The following TMEM120B variants were observed in gnomAD, a reference collection of about 807,000 sequenced individuals.
TMEM120B encodes transmembrane protein 120B.
In TMEM120B, 31 loss-of-function variants were observed where a neutral mutation model predicts 55.5. The ratio of observed to expected loss-of-function variants is 0.56; its 90% CI spans 0.42 to 0.75. TMEM120B has a LOEUF of 0.75. Ranked by LOEUF, TMEM120B falls within the 30% of genes least tolerant of loss-of-function variation. TMEM120B has a pLI of 0.00. For missense variants in TMEM120B, 399 were observed against 425.5 expected (o/e 0.94, Z 0.55); for synonymous variants, 203 against 176.3 (o/e 1.15, Z -1.20).
At chr12:121,759,567 A>G (rs1341127953) in intron 5 of TMEM120B, among the ~76,000 whole-genome samples, 1 of 151,624 alleles carries the variant, frequency 6.6e-6, no homozygotes, top group African/African-American at 2.4e-5. Flanking sequence ...AATCCCATCT[A>G]CTCTGGAGGC....
chr12:121,759,789 G>C (rs1225878512), intron 5 of TMEM120B, among the ~76,000 whole-genome samples: 3 of 152,102 alleles, frequency 2.0e-5, no homozygotes, highest in Admixed American at 2.0e-4. Flanking sequence ...TTGTGGTCAG[G>C]AGTTCGATAC....
At chr12:121,722,848 CTTTTTT>C (rs34271702) in intron 1 of TMEM120B, among the ~76,000 whole-genome samples, 4 of 133,088 alleles carry the variant, frequency 3.0e-5, no homozygotes, top group Non-Finnish European at 4.7e-5. Context: ...TTTAAATTTA[CTTTTTT>C]TTTTTTTTTT....
At chr12:121,730,194 G>A (rs1223965523) in intron 1 of TMEM120B, among the ~76,000 whole-genome samples, 1 of 151,766 alleles carries the variant, frequency 6.6e-6, no homozygotes, top group Non-Finnish European at 1.5e-5. Context: ...AGGAAGCGGA[G>A]GTTGCAGTGA....
intron 1 of TMEM120B, among the ~76,000 whole-genome samples, chr12:121,742,052 G>C (rs560521367): frequency 4.2e-4 from 63 of 151,330 alleles, no homozygotes; most frequent in Admixed American, 3.0e-3. Flanking sequence ...ACCTAGGCTG[G>C]AGTGCCGTGG....
chr12:121,734,740 C>A (rs1895071962), intron 1 of TMEM120B, among the ~76,000 whole-genome samples: 1 of 151,736 alleles, frequency 6.6e-6, no homozygotes, highest in Non-Finnish European at 1.5e-5. Flanking sequence ...ATGGCAAAAC[C>A]CATCTCTACT....
chr12:121,775,552 G>A lies in TMEM120B; in HGVS notation c.907-57G>A, dbSNP rs1874211314. ...TGCTGGAGATTCTGGGGTGCTGGGGGCAGGGGTTCAGCAGGGCAGATGCCC... is the reference window on the plus strand; with the variant it reads ...TGCTGGAGATTCTGGGGTGCTGGGGACAGGGGTTCAGCAGGGCAGATGCCC... On this transcript the variant is annotated intron_variant, in intron 11 of 11. Coordinates refer to ENST00000449592, the MANE Select transcript of TMEM120B (RefSeq NM_001080825.2). The surrounding 1 kb of genome is among the most constrained non-coding windows in gnomAD (Gnocchi z 4.3). 1 of 1,566,374 alleles carries A rather than the reference G, an allele frequency of 6.4e-7. No individual in the cohort carries two copies.
rs1282958359 is a variant in TMEM120B, at chr12:121,712,852, C to G, written c.-44C>G. ...GCGCTGGGGGGCCGGTCGGGCAGCGCTGCGGGAGCAGCCGCCGGCACCGCC... is the reference window on the plus strand; with the variant it reads ...GCGCTGGGGGGCCGGTCGGGCAGCGGTGCGGGAGCAGCCGCCGGCACCGCC... On this transcript the variant is annotated 5_prime_UTR_variant, in exon 1 of 12. Coordinates refer to ENST00000449592, the MANE Select transcript of TMEM120B (RefSeq NM_001080825.2). 4.3e-6 allele frequency: 6 copies of G among 1,398,626 alleles called. No individual in the cohort carries two copies. Among genetic ancestry groups the G allele is most frequent in the South Asian group, 3.3e-5 (2 of 59,940 alleles). The allele number at this position is 1,398,626 out of a possible 1,614,324, so 86.6% of individuals were successfully genotyped here.
chr12:121,753,580 CAAAA>C (rs113566269), intron 5 of TMEM120B, among the ~76,000 whole-genome samples: 3 of 143,940 alleles, frequency 2.1e-5, no homozygotes, highest in South Asian at 2.2e-4. Flanking sequence ...CAAAAACAAA[CAAAA>C]AAAAAAAGAA....
rs371414724 is a variant in TMEM120B, at chr12:121,771,439, C to T, written c.618-49C>T. 4.0e-5 allele frequency: 61 copies of T among 1,518,034 alleles called. No homozygotes were observed. In the African/African-American group the frequency reaches 6.9e-4, roughly 17 times the overall value. 94.0% of individuals were successfully genotyped at this position (1,518,034 alleles called of 1,614,324 possible). On this transcript the variant is annotated intron_variant, in intron 7 of 11. Transcript: ENST00000449592. Reference sequence around the variant, plus strand: ...ATGGAGTTGGGGCGGGGAGGAATGTCTCATTTCATAGTGGGCCCCACCTTT... The same window carrying T: ...ATGGAGTTGGGGCGGGGAGGAATGTTTCATTTCATAGTGGGCCCCACCTTT...
chr12:121,762,285 AAAG>A, intron 6 of TMEM120B, among the ~76,000 whole-genome samples: 2 of 152,048 alleles, frequency 1.3e-5, no homozygotes, highest in East Asian at 1.9e-4. Flanking sequence ...AAAAAAAAAA[AAAG>A]AGGTGACCCA....
At chr12:121,727,014 A>C (rs1342852543) in intron 1 of TMEM120B, among the ~76,000 whole-genome samples, 1 of 150,216 alleles carries the variant, frequency 6.7e-6, no homozygotes. Flanking sequence ...CCTGGGCAAC[A>C]TGGCAAACAC....
intron 6 of TMEM120B, among the ~76,000 whole-genome samples, chr12:121,767,671 A>G (rs1373565467): frequency 6.6e-6 from 1 of 152,252 alleles, no homozygotes; most frequent in Non-Finnish European, 1.5e-5. Context: ...ATGGCTACAT[A>G]AACACATGTG....
chr12:121,731,315 G>A (rs1026883550), intron 1 of TMEM120B, among the ~76,000 whole-genome samples: 6 of 152,040 alleles, frequency 3.9e-5, no homozygotes, highest in Admixed American at 3.9e-4. Flanking sequence ...GCAGTGGTGC[G>A]ATCTAGGCTC....
At chr12:121,755,766 C>T (rs997389976) in intron 5 of TMEM120B, among the ~76,000 whole-genome samples, 6 of 152,128 alleles carry the variant, frequency 3.9e-5, no homozygotes, top group Non-Finnish European at 7.4e-5. Flanking sequence ...GAGGGGACAG[C>T]GTAGAACATG....
At chr12:121,756,861 C>A (rs572267468) in intron 5 of TMEM120B, among the ~76,000 whole-genome samples, 2 of 152,282 alleles carry the variant, frequency 1.3e-5, no homozygotes, top group South Asian at 4.1e-4. Context: ...TGCCTCTTCC[C>A]GGCTGTGGGA....
At position 121,775,665 on chromosome 12, in the gene TMEM120B, G is replaced by C; in HGVS notation, c.963G>C (p.Thr321=). Residue 321 remains threonine (T), a synonymous_variant, in exon 12 of 12, where the codon ACG becomes ACC. Coordinates refer to ENST00000449592, the MANE Select transcript of TMEM120B (RefSeq NM_001080825.2). This position sits in a 1 kb window ranked among gnomAD's most constrained non-coding sequence, Gnocchi z 4.3. ...TCTTCCTCGGCAACTTCCTGACCAC[G>C]CTCAAAGTCGTGCATGCCAAGCTCC... ...LILFLGNFLT[T]LKVVHAKLQK... 2 of 1,613,998 alleles carry C rather than the reference G, an allele frequency of 1.2e-6. No homozygotes were observed. The highest frequency in any genetic ancestry group is 1.7e-6 in the Non-Finnish European group (2 of 1,179,964).
chr12:121,724,708 TC>T (rs1894859387), intron 1 of TMEM120B, among the ~76,000 whole-genome samples: 1 of 151,904 alleles, frequency 6.6e-6, no homozygotes, highest in Non-Finnish European at 1.5e-5. Flanking sequence ...CCTCCCAGGT[TC>T]ACGCCATTCT....
chr12:121,779,896 T>C lies in TMEM120B; in HGVS notation c.*4174T>C, dbSNP rs1874384404. 3 of 518,272 alleles carry C rather than the reference T, an allele frequency of 5.8e-6. No individual in the cohort carries two copies. Among genetic ancestry groups the C allele is most frequent in the African/African-American group, 3.8e-5 (2 of 52,764 alleles). 32.1% of individuals were successfully genotyped at this position (518,272 alleles called of 1,614,324 possible). ...GTCCAGGCCCCCACCCTGGCCTCTCTCCAGCTCCGGGCAGGGAGGGGCTGA... is the reference window on the plus strand; with the variant it reads ...GTCCAGGCCCCCACCCTGGCCTCTCCCCAGCTCCGGGCAGGGAGGGGCTGA... On this transcript the variant is annotated 3_prime_UTR_variant, in exon 12 of 12. Coordinates refer to ENST00000449592, the MANE Select transcript of TMEM120B (RefSeq NM_001080825.2).
intron 1 of TMEM120B, among the ~76,000 whole-genome samples, chr12:121,727,481 A>G (rs1894917461): frequency 6.9e-6 from 1 of 145,058 alleles, no homozygotes; most frequent in African/African-American, 2.5e-5. Context: ...GGCTGTGGTG[A>G]GCTGTGATTG....
Sources: gnomAD v4.1 joint callset for allele counts (sites outside exome capture counted in the v4.1 genomes callset) on GRCh38, gnomAD v4.1.1 for gene constraint, Gnocchi (gnomAD v3.1) non-coding constraint, MANE v1.5 for transcripts, NCBI Gene and HGNC (gene_info 2026-07-23, HGNC 2026-07-21) for gene names.